Variants in PIBF1 observed in about 807,000 individuals in gnomAD.
PIBF1 encodes progesterone immunomodulatory binding factor 1, also known as progesterone-induced-blocking factor 1.
A neutral mutation model predicts 112.5 loss-of-function variants in PIBF1; 90 were observed. That is an observed-to-expected ratio of 0.80 (90% CI 0.67 to 0.95). The LOEUF is 0.95. Ranked by LOEUF, PIBF1 falls within the 40% of genes least tolerant of loss-of-function variation. The pLI is 0.00. For synonymous variants in PIBF1, 301 were observed against 288.6 expected (o/e 1.04, Z -0.44); for missense variants, 915 against 852.3 (o/e 1.07, Z -0.92).
At chr13:72,892,792 A>ACACACACACG (rs1441775725) in intron 10 of PIBF1, among the ~76,000 whole-genome samples, 2 of 150,438 alleles carry the variant, frequency 1.3e-5, no homozygotes, top group Admixed American at 6.7e-5. Flanking sequence ...CCTTACACAC[A>ACACACACACG]CACACACACA....
At chr13:72,964,296 CAG>C (rs1273672621) in intron 14 of PIBF1, among the ~76,000 whole-genome samples, 1 of 152,016 alleles carries the variant, frequency 6.6e-6, no homozygotes, top group Non-Finnish European at 1.5e-5. Flanking sequence ...TTCACAGAGA[CAG>C]AAAGTAAGAT....
chr13:72,889,717 T>G (rs2039985260), intron 10 of PIBF1, among the ~76,000 whole-genome samples: 1 of 152,148 alleles, frequency 6.6e-6, no homozygotes, highest in African/African-American at 2.4e-5. Flanking sequence ...ATGCTTTGCC[T>G]CAGCTGCTGC....
intron 17 of PIBF1, among the ~76,000 whole-genome samples, chr13:73,007,171 T>TCATATAAAGCACCATCTTATG (rs2044056955): frequency 6.6e-6 from 1 of 151,866 alleles, no homozygotes; most frequent in African/African-American, 2.4e-5. Context: ...TCAAATTTTG[T>TCATATAAAGCACCATCTTATG]CATATAAAGC....
intron 5 of PIBF1, among the ~76,000 whole-genome samples, chr13:72,806,536 CT>C (rs869107742): frequency 6.6e-6 from 1 of 151,966 alleles, no homozygotes; most frequent in East Asian, 1.9e-4. Flanking sequence ...CCCCCACCCC[CT>C]GATAGGCCCC....
intron 14 of PIBF1, among the ~76,000 whole-genome samples, chr13:72,949,604 A>G (rs2042244691): frequency 1.3e-5 from 2 of 152,170 alleles, no homozygotes; most frequent in South Asian, 2.1e-4. Context: ...GGCGTGAGCC[A>G]CGGCACCCAG....
chr13:72,891,480 TAATA>T (rs1566411540), intron 10 of PIBF1, among the ~76,000 whole-genome samples: 1 of 138,496 alleles, frequency 7.2e-6, no homozygotes, highest in Non-Finnish European at 1.5e-5. Flanking sequence ...AATGTTGAAT[TAATA>T]CTTTTTTTTA....
chr13:72,829,988 C>A (rs1333643690), intron 8 of PIBF1, among the ~76,000 whole-genome samples: 1 of 152,134 alleles, frequency 6.6e-6, no homozygotes, highest in African/African-American at 2.4e-5. Flanking sequence ...TTGAAGAGGT[C>A]CTTCACATCC....
At chr13:72,814,852 C>G (rs1022361907) in intron 5 of PIBF1, among the ~76,000 whole-genome samples, 2 of 152,126 alleles carry the variant, frequency 1.3e-5, no homozygotes, top group African/African-American at 4.8e-5. Context: ...AAAATACATA[C>G]AGTTCTATGG....
At position 72,976,296 on chromosome 13, in the gene PIBF1, G is replaced by T. The variant is rs544379144; in HGVS notation, c.2049+2621G>T. 3.9e-5 allele frequency among the ~76,000 whole-genome samples: 6 copies of T among 152,012 alleles called. No homozygotes were observed. The South Asian group carries it at 1.3e-3, about 32-fold the overall frequency. ...CTTTTAAAAAAGAAAGAAAGAGAAA[G>T]AGGGAGGGAGGGTTAGAGGGAAGGA... On this transcript the variant is annotated intron_variant, in intron 16 of 17. Transcript: ENST00000326291.
intron 10 of PIBF1, among the ~76,000 whole-genome samples, chr13:72,858,023 T>TTGCTTTTTGTGTGTG (rs71099760): frequency 0.092 from 12,976 of 141,108 alleles, 632 homozygotes; most frequent in Non-Finnish European, 0.11. Context: ...CAAATGTACA[T>TTGCTTTTTGTGTGTG]TGTGTGTGTG....
chr13:72,940,383 C>G (rs2041980085), intron 14 of PIBF1, among the ~76,000 whole-genome samples: 1 of 152,032 alleles, frequency 6.6e-6, no homozygotes, highest in African/African-American at 2.4e-5. Flanking sequence ...TTTTAGGTCT[C>G]TCCTTAACAT....
chr13:72,866,976 T>C (rs2038955268), intron 10 of PIBF1, among the ~76,000 whole-genome samples: 1 of 152,200 alleles, frequency 6.6e-6, no homozygotes, highest in South Asian at 2.1e-4. Context: ...TGAAAGTATA[T>C]TACTGTAAAT....
intron 16 of PIBF1, among the ~76,000 whole-genome samples, chr13:72,990,806 C>G (rs1015426881): frequency 6.6e-6 from 1 of 152,156 alleles, no homozygotes; most frequent in African/African-American, 2.4e-5. Context: ...CAAGATCATG[C>G]CACTGCACTC....
chr13:72,949,333 T>G (rs1375845872), intron 14 of PIBF1, among the ~76,000 whole-genome samples: 2 of 103,090 alleles, frequency 1.9e-5, no homozygotes, highest in Non-Finnish European at 3.7e-5. Flanking sequence ...TTTTTTTTTT[T>G]GAGACAGAGT....
chr13:72,826,859 A>G, intron 6 of PIBF1, 151 bp from the exon 7 acceptor site: 1 of 434,188 alleles, frequency 2.3e-6, no homozygotes. Flanking sequence ...CTAAATCTGA[A>G]AAGTAGGTAC....
intron 10 of PIBF1, among the ~76,000 whole-genome samples, chr13:72,859,052 GC>G (rs1002002985): frequency 4.6e-5 from 7 of 151,926 alleles, no homozygotes; most frequent in Non-Finnish European, 8.8e-5. Flanking sequence ...ATAAACCTTT[GC>G]TTTTTTCATT....
chr13:72,920,290 CTCA>C (rs2041242917), intron 13 of PIBF1, among the ~76,000 whole-genome samples: 1 of 152,218 alleles, frequency 6.6e-6, no homozygotes, highest in South Asian at 2.1e-4. Flanking sequence ...AGGCATTCTT[CTCA>C]TGGTGAGCCA....
intron 16 of PIBF1, among the ~76,000 whole-genome samples, chr13:72,987,850 A>ATTTTTTTTTTTTTTTTTTTTTTTTTTT (rs1160979996): frequency 1.5e-5 from 1 of 66,440 alleles, no homozygotes. Context: ...TTATTTATTT[A>ATTTTTTTTTTTTTTTTTTTTTTTTTTT]TTTATTTATT....
At chr13:72,914,144 A>G (rs932499215) in intron 12 of PIBF1, among the ~76,000 whole-genome samples, 3 of 152,152 alleles carry the variant, frequency 2.0e-5, no homozygotes, top group African/African-American at 4.8e-5. Context: ...ACTACATTGT[A>G]TACAATTTTC....
Sources: gnomAD v4.1 joint callset for allele counts (sites outside exome capture counted in the v4.1 genomes callset) on GRCh38, gnomAD v4.1.1 for gene constraint, MANE v1.5 for transcripts, NCBI Gene and HGNC (gene_info 2026-07-23, HGNC 2026-07-21) for gene names.